ATRNL1: variants seen among roughly 807,000 people sequenced by gnomAD.
ATRNL1 encodes attractin like 1.
Under a neutral mutation model 182.7 loss-of-function variants are expected in ATRNL1, and 95 were observed. The observed-to-expected ratio is 0.52, with a 90% CI of 0.44 to 0.62. The LOEUF (loss-of-function observed/expected upper bound fraction) is 0.62. ATRNL1 is among the 20% of genes least tolerant of loss of function. The probability of loss-of-function intolerance (pLI) is 0.00; values close to 1 mark genes in which losing one functional copy is unlikely to be tolerated. For missense variants in ATRNL1, 1,471 were observed against 1,679.5 expected, an observed-to-expected ratio of 0.88 and a Z score of 2.17; for synonymous variants, 576 against 568.3, an observed-to-expected ratio of 1.01 and a Z score of -0.19.
chr10:115,465,476 T>C (rs1366610045), intron 22 of ATRNL1, among the ~76,000 whole-genome samples: 1 of 151,722 alleles, frequency 6.6e-6, no homozygotes, highest in Non-Finnish European at 1.5e-5. Context: ...ATTGAATTTA[T>C]GCCCACTCTG....
chr10:115,757,814 G>T (rs1948630004), intron 27 of ATRNL1, among the ~76,000 whole-genome samples: 1 of 151,832 alleles, frequency 6.6e-6, no homozygotes, highest in South Asian at 2.1e-4. Flanking sequence ...TGTAGATTTG[G>T]TCCTTTTCAC....
At chr10:115,761,307 G>T (rs943680607) in intron 27 of ATRNL1, among the ~76,000 whole-genome samples, 1 of 152,126 alleles carries the variant, frequency 6.6e-6, no homozygotes, top group Non-Finnish European at 1.5e-5. Flanking sequence ...GGCACCCTTT[G>T]TCATCTCCTT....
chr10:115,652,839 A>G (rs1860098366), intron 26 of ATRNL1, among the ~76,000 whole-genome samples: 1 of 152,112 alleles, frequency 6.6e-6, no homozygotes, highest in South Asian at 2.1e-4. Flanking sequence ...TTTTAACTAA[A>G]TATTTGTCAT....
At chr10:115,559,437 T>TGC (rs1386803528) in intron 26 of ATRNL1, among the ~76,000 whole-genome samples, 1 of 107,880 alleles carries the variant, frequency 9.3e-6, no homozygotes, top group East Asian at 4.4e-4. Context: ...TGTGTGTGTG[T>TGC]GTGTGTGCGC....
chr10:115,808,275 A>G (rs1250431152), intron 27 of ATRNL1, among the ~76,000 whole-genome samples: 2 of 152,226 alleles, frequency 1.3e-5, no homozygotes, highest in Non-Finnish European at 2.9e-5. Flanking sequence ...AATGACATAA[A>G]TGACTTTGTC....
intron 7 of ATRNL1, among the ~76,000 whole-genome samples, chr10:115,166,660 A>C: frequency 6.6e-6 from 1 of 151,882 alleles, no homozygotes; most frequent in Non-Finnish European, 1.5e-5. Flanking sequence ...TAATGATGTT[A>C]AATATCTTTT....
At chr10:115,718,349 A>G (rs1395219601) in intron 26 of ATRNL1, among the ~76,000 whole-genome samples, 1 of 152,082 alleles carries the variant, frequency 6.6e-6, no homozygotes, top group Non-Finnish European at 1.5e-5. Context: ...GTATTTGTTT[A>G]TGTAAGTCAA....
intron 7 of ATRNL1, 106 bp downstream of exon 7, chr10:115,165,751 A>C (rs905489913): frequency 1.4e-4 from 73 of 506,188 alleles, no homozygotes; most frequent in Admixed American, 4.5e-4. Flanking sequence ...TAATGAGAAC[A>C]ATAGATTATA....
intron 26 of ATRNL1, among the ~76,000 whole-genome samples, chr10:115,665,616 A>C (rs900606630): frequency 6.6e-6 from 1 of 152,174 alleles, no homozygotes; most frequent in Non-Finnish European, 1.5e-5. Flanking sequence ...ATCTGTTGCT[A>C]TCTGGAAATT....
intron 10 of ATRNL1, among the ~76,000 whole-genome samples, chr10:115,251,024 T>C (rs1554905261): frequency 1.3e-5 from 2 of 152,190 alleles, no homozygotes; most frequent in African/African-American, 2.4e-5. Context: ...TTTGATCCTC[T>C]TTTTTGATAG....
At chr10:115,829,337 G>C (rs1398528669) in intron 27 of ATRNL1, among the ~76,000 whole-genome samples, 2 of 152,082 alleles carry the variant, frequency 1.3e-5, no homozygotes, top group African/African-American at 4.8e-5. Flanking sequence ...GACTGGGTTG[G>C]AGTTTTTATA....
chr10:115,704,898 A>G (rs969636657), intron 26 of ATRNL1, among the ~76,000 whole-genome samples: 1 of 150,632 alleles, frequency 6.6e-6, no homozygotes, highest in East Asian at 1.9e-4. Flanking sequence ...TTCTTCCATA[A>G]CCCTCTTCTC....
In ATRNL1 at chr10:115,473,763, T is replaced by C. The variant is rs1848410342; in HGVS notation, c.3654+4434T>C. Among the ~76,000 whole-genome samples, 3 of 151,368 alleles carry C rather than the reference T, an allele frequency of 2.0e-5. No homozygotes were observed. In the South Asian group the frequency reaches 6.2e-4, roughly 31 times the overall value. On this transcript the variant is annotated intron_variant, in intron 24 of 28. Transcript: ENST00000355044. ...TCAATCACCTTAGTTATTTTTGATG[T>C]GACCAAGTTTTCTATTTTCACATGA...
chr10:115,592,858 CAAT>C (rs1445713496), intron 26 of ATRNL1, among the ~76,000 whole-genome samples: 1 of 152,152 alleles, frequency 6.6e-6, no homozygotes, highest in Non-Finnish European at 1.5e-5. Context: ...TGCCTACTTA[CAAT>C]TCTTTTTAGG....
intron 17 of ATRNL1, among the ~76,000 whole-genome samples, chr10:115,308,229 T>C (rs1554926820): frequency 6.6e-6 from 1 of 152,170 alleles, no homozygotes; most frequent in Non-Finnish European, 1.5e-5. Flanking sequence ...TGACTAATGG[T>C]TTCTGAGAAA....
At chr10:115,330,365 C>G (rs369456013) in intron 18 of ATRNL1, among the ~76,000 whole-genome samples, 8 of 151,974 alleles carry the variant, frequency 5.3e-5, no homozygotes, top group Non-Finnish European at 1.0e-4. Flanking sequence ...TTATTTTTAC[C>G]TGTCAGTTTT....
In ATRNL1 at chr10:115,367,519, C is replaced by G. The variant is rs1161348647; in HGVS notation, c.3176-27140C>G. 4.6e-5 allele frequency among the ~76,000 whole-genome samples: 7 copies of G among 151,536 alleles called. No individual in the cohort carries two copies. In the East Asian group the frequency reaches 1.4e-3, roughly 29 times the overall value. ...CATCTGAAGCCTTCTTCTCTCAGCT[C>G]GTCAAAGTCATTCTCCATCCAGCTT... On this transcript the variant is annotated intron_variant, in intron 19 of 28. Transcript: ENST00000355044.
intron 17 of ATRNL1, among the ~76,000 whole-genome samples, chr10:115,304,389 T>A (rs1302851395): frequency 6.6e-6 from 1 of 152,226 alleles, no homozygotes; most frequent in Non-Finnish European, 1.5e-5. Flanking sequence ...AGTAATGATA[T>A]GGCTCCCATG....
At chr10:115,554,937 A>G (rs1428659639) in intron 26 of ATRNL1, among the ~76,000 whole-genome samples, 4 of 151,830 alleles carry the variant, frequency 2.6e-5, no homozygotes, top group South Asian at 2.1e-4. Flanking sequence ...GATTTATTCT[A>G]AAAAATGTAG....
Sources: allele counts gnomAD v4.1 joint callset (sites outside exome capture counted in the v4.1 genomes callset), GRCh38; gene constraint gnomAD v4.1.1; transcripts MANE v1.5; gene names NCBI Gene and HGNC (gene_info 2026-07-23, HGNC 2026-07-21).